Variants in C6 observed in about 807,000 individuals in gnomAD.
C6 encodes complement C6.
A neutral mutation model predicts 112.9 loss-of-function variants in C6; 101 were observed. The observed-to-expected ratio is 0.89, with a 90% CI of 0.76 to 1.06. The LOEUF (loss-of-function observed/expected upper bound fraction) is 1.06. C6 is among the 50% of genes least tolerant of loss of function. C6 has a pLI of 0.00. For missense variants in C6, 1,202 were observed against 1,104.6 expected (o/e 1.09, Z -1.25); for synonymous variants, 431 against 384.1 (o/e 1.12, Z -1.43).
At chr5:41,258,077 A>G (rs1174019779) in intron 1 of C6, among the ~76,000 whole-genome samples, 2 of 152,154 alleles carry the variant, frequency 1.3e-5, no homozygotes, top group Non-Finnish European at 2.9e-5. Flanking sequence ...CCCACCAGGC[A>G]TGGTCTTCAC....
At chr5:41,169,058 T>A (rs531013987) in intron 9 of C6, among the ~76,000 whole-genome samples, 169 of 152,190 alleles carry the variant, frequency 1.1e-3, no homozygotes, top group African/African-American at 4.0e-3. Context: ...TGGCCTGGCC[T>A]TTTTGTGAGG....
chr5:41,190,720 T>C (rs1750129763), intron 5 of C6, among the ~76,000 whole-genome samples: 1 of 152,218 alleles, frequency 6.6e-6, no homozygotes, highest in Non-Finnish European at 1.5e-5. Flanking sequence ...TCTCTAATAG[T>C]TTAATAGTTC....
At chr5:41,168,016 G>C (rs1748121416) in intron 9 of C6, among the ~76,000 whole-genome samples, 2 of 152,092 alleles carry the variant, frequency 1.3e-5, no homozygotes, top group African/African-American at 4.8e-5. Flanking sequence ...GATTAACAGT[G>C]GGAACAAGAG....
At chr5:41,164,500 G>A (rs1747816313) in intron 9 of C6, among the ~76,000 whole-genome samples, 1 of 152,208 alleles carries the variant, frequency 6.6e-6, no homozygotes, top group African/African-American at 2.4e-5. Context: ...CAGCAGAAAT[G>A]AGAGAGTCTG....
At chr5:41,193,679 C>T in intron 5 of C6, among the ~76,000 whole-genome samples, 1 of 151,642 alleles carries the variant, frequency 6.6e-6, no homozygotes, top group African/African-American at 2.4e-5. Flanking sequence ...TTGCCTGATT[C>T]TTGCTTCATA....
chr5:41,234,559 C>G (rs1359411155), intron 1 of C6, among the ~76,000 whole-genome samples: 2 of 151,900 alleles, frequency 1.3e-5, no homozygotes, highest in East Asian at 3.9e-4. Flanking sequence ...AGTGTAGAAG[C>G]TGGACAAAAG....
At chr5:41,223,180 C>G (rs1223020933) in intron 1 of C6, among the ~76,000 whole-genome samples, 1 of 152,070 alleles carries the variant, frequency 6.6e-6, no homozygotes, top group Admixed American at 6.6e-5. Flanking sequence ...TAGAGATTAA[C>G]AGGTATTGTT....
In C6 at chr5:41,235,529, A is replaced by G. The variant is rs1339865022; in HGVS notation, c.-21+25665T>C. 3.4e-5 allele frequency among the ~76,000 whole-genome samples: 5 copies of G among 145,062 alleles called. No individual in the cohort carries two copies. The East Asian group carries it at 6.3e-4, about 18-fold the overall frequency. ...CTTTGCTATTGTGAATAATGCTGCA[A>G]TAAACATACGTGTGCATGTGTCTTT... On this transcript the variant is annotated intron_variant, in intron 1 of 17. Transcript: ENST00000263413.
At chr5:41,165,107 G>A (rs917440459) in intron 9 of C6, among the ~76,000 whole-genome samples, 2 of 152,106 alleles carry the variant, frequency 1.3e-5, no homozygotes, top group South Asian at 4.2e-4. Context: ...TTTTGTGCCT[G>A]GTTTCTTTTG....
intron 1 of C6, among the ~76,000 whole-genome samples, chr5:41,245,974 T>A (rs928820657): frequency 3.3e-5 from 5 of 152,232 alleles, no homozygotes; most frequent in African/African-American, 7.2e-5. Context: ...AAATTATCCC[T>A]CTGAAGAAGG....
chr5:41,248,202 C>T (rs1199843289), intron 1 of C6, among the ~76,000 whole-genome samples: 3 of 152,206 alleles, frequency 2.0e-5, no homozygotes, highest in Admixed American at 1.3e-4. Context: ...AATGTAACAA[C>T]TCAAAACTAT....
intron 4 of C6, among the ~76,000 whole-genome samples, chr5:41,198,880 A>G (rs997797476): frequency 2.0e-5 from 3 of 152,122 alleles, no homozygotes; most frequent in Non-Finnish European, 4.4e-5. Context: ...TCAGGTCTGT[A>G]TTACCCTCAG....
rs1469589426 is a variant in C6, at chr5:41,172,231, G to A, written c.1285C>T (p.His429Tyr). The change falls in exon 9 of 18, where the codon CAT becomes TAT. Residue 429 changes from histidine to tyrosine, a missense_variant. His to Tyr is a moderately conservative substitution (Grantham distance 83). Transcript: ENST00000337836. ...RCTTNKLSEKHEGSFIQGAEK... is the reference protein window; with the variant it reads ...RCTTNKLSEKYEGSFIQGAEK... ...TAAGAGAGAGTACTGTTACCTTCAT[G>A]TTTCTCTGACAGCTTGTTGGTGGTG... The A allele has an allele frequency of 1.9e-6, 3 of 1,613,712 alleles. No homozygotes were observed. Among genetic ancestry groups the A allele is most frequent in the African/African-American group, 2.7e-5 (2 of 75,010 alleles).
intron 8 of C6, among the ~76,000 whole-genome samples, chr5:41,174,273 G>A (rs1277507185): frequency 6.6e-6 from 1 of 152,094 alleles, no homozygotes; most frequent in Non-Finnish European, 1.5e-5. Context: ...ACCTCTATCT[G>A]TATGAACTAA....
chr5:41,193,879 C>G (rs2150350685), intron 5 of C6, among the ~76,000 whole-genome samples: 1 of 143,972 alleles, frequency 6.9e-6, no homozygotes, highest in Non-Finnish European at 1.5e-5. Flanking sequence ...CAGATTAGAA[C>G]AAGATTACAG....
intron 3 of C6, 94 bp downstream of exon 3, chr5:41,201,464 A>C: frequency 1.6e-6 from 2 of 1,212,634 alleles, no homozygotes; most frequent in Non-Finnish European, 2.4e-6. Flanking sequence ...TCAGAAATTG[A>C]AGTAATTCAG....
intron 1 of C6, among the ~76,000 whole-genome samples, chr5:41,236,654 T>C (rs925908921): frequency 7.7e-6 from 1 of 129,454 alleles, no homozygotes; most frequent in Non-Finnish European, 1.6e-5. Context: ...CCCTAACATC[T>C]CAATTAAAAG....
chr5:41,194,554 G>C (rs111276518), intron 5 of C6, among the ~76,000 whole-genome samples: 1 of 152,056 alleles, frequency 6.6e-6, no homozygotes. Context: ...TTGGTGCCTC[G>C]AGTTTTCATA....
chr5:41,176,429 C>T, intron 8 of C6, 46 bp downstream of exon 8: 2 of 1,587,222 alleles, frequency 1.3e-6, no homozygotes, highest in Non-Finnish European at 1.7e-6. Flanking sequence ...AAATGTATTG[C>T]ATGCTATCAT....
Sources: allele counts gnomAD v4.1 joint callset (sites outside exome capture counted in the v4.1 genomes callset), GRCh38; gene constraint gnomAD v4.1.1; transcripts MANE v1.5; gene names NCBI Gene and HGNC (gene_info 2026-07-23, HGNC 2026-07-21).